The following PRKCB variants were observed in gnomAD, a reference collection of about 807,000 sequenced individuals.
The protein encoded by PRKCB is protein kinase C beta type.
Under a neutral mutation model 81.5 loss-of-function variants are expected in PRKCB, and 13 were observed. That is an observed-to-expected ratio of 0.16 (90% CI 0.10 to 0.25). The LOEUF is 0.25. Among genes scored for constraint, PRKCB ranks in the 10% least tolerant of loss-of-function variants. PRKCB has a pLI of 1.00. For missense variants in PRKCB, 509 were observed against 875.7 expected (o/e 0.58, Z 5.29); for synonymous variants, 335 against 321.4 (o/e 1.04, Z -0.45).
chr16:23,934,682 C>T (rs1266242078), intron 2 of PRKCB, among the ~76,000 whole-genome samples: 7 of 152,032 alleles, frequency 4.6e-5, no homozygotes, highest in Admixed American at 1.3e-4. Flanking sequence ...TTTATACGTG[C>T]GCCTAATCCC....
chr16:24,039,225 T>C (rs944823348), intron 5 of PRKCB, among the ~76,000 whole-genome samples: 22 of 152,144 alleles, frequency 1.4e-4, no homozygotes, highest in Non-Finnish European at 2.5e-4. Flanking sequence ...TCTTTTTTTC[T>C]TTTTTTCTTT....
At chr16:24,173,238 G>T (rs994055520) in intron 11 of PRKCB, among the ~76,000 whole-genome samples, 17 of 152,044 alleles carry the variant, frequency 1.1e-4, no homozygotes, top group African/African-American at 4.1e-4. Flanking sequence ...CATCCCCTTC[G>T]GTTCAAAAGG....
At chr16:23,892,521 A>G (rs765895591) in intron 2 of PRKCB, among the ~76,000 whole-genome samples, 108 of 152,246 alleles carry the variant, frequency 7.1e-4, no homozygotes, top group Admixed American at 4.6e-4. Flanking sequence ...TCATATTAAT[A>G]CAAAACATTA....
intron 9 of PRKCB, among the ~76,000 whole-genome samples, chr16:24,133,969 C>G (rs946527610): frequency 6.7e-6 from 1 of 149,582 alleles, no homozygotes; most frequent in African/African-American, 2.5e-5. Context: ...GACCATGGTT[C>G]GCTGCAGCTT....
chr16:23,991,056 C>G (rs913427791), intron 3 of PRKCB, among the ~76,000 whole-genome samples: 1 of 152,202 alleles, frequency 6.6e-6, no homozygotes, highest in Non-Finnish European at 1.5e-5. Flanking sequence ...CTGTTACCCA[C>G]TTAGACTTGA....
intron 2 of PRKCB, among the ~76,000 whole-genome samples, chr16:23,978,816 G>A (rs928340757): frequency 1.3e-5 from 2 of 152,308 alleles, no homozygotes; most frequent in Middle Eastern, 3.4e-3. Context: ...AGACGCATGT[G>A]GCATCAAGCA....
chr16:23,975,019 C>T (rs1033539160), intron 2 of PRKCB, among the ~76,000 whole-genome samples: 3 of 152,176 alleles, frequency 2.0e-5, no homozygotes, highest in African/African-American at 7.2e-5. Flanking sequence ...GGACTGCATA[C>T]CGTGGAGAAA....
At chr16:24,004,373 T>C (rs754205654) in intron 3 of PRKCB, among the ~76,000 whole-genome samples, 2 of 142,544 alleles carry the variant, frequency 1.4e-5, no homozygotes, top group Admixed American at 7.6e-5. Flanking sequence ...TCAAAAGAAA[T>C]AGGACTCAAA....
intron 5 of PRKCB, among the ~76,000 whole-genome samples, chr16:24,048,490 C>CT (rs1427207625): frequency 7.2e-6 from 1 of 138,240 alleles, no homozygotes; most frequent in Non-Finnish European, 1.6e-5. Context: ...CTTTTCTTTT[C>CT]TTTCTTTTTT....
chr16:23,866,970 CTTCCTTCCCTTCCTTCCCTTCCT>C (rs1462095097), intron 2 of PRKCB, among the ~76,000 whole-genome samples: 12 of 82,060 alleles, frequency 1.5e-4, no homozygotes, highest in Admixed American at 6.7e-4. Flanking sequence ...CCTTCCTTCC[CTTCCTTCCCTTCCTTCCCTTCCT>C]TCCCTTCCTT....
intron 5 of PRKCB, among the ~76,000 whole-genome samples, chr16:24,051,838 C>A (rs574524781): frequency 6.6e-6 from 1 of 152,270 alleles, no homozygotes; most frequent in African/African-American, 2.4e-5. Context: ...GGCACAGTGG[C>A]TCACGCCTGT....
intron 9 of PRKCB, among the ~76,000 whole-genome samples, chr16:24,142,436 C>A (rs956324858): frequency 2.0e-5 from 3 of 152,168 alleles, no homozygotes; most frequent in Non-Finnish European, 2.9e-5. Context: ...GTGAGTGCCC[C>A]GGGAAGAGCA....
At chr16:24,174,439 T>C in intron 11 of PRKCB, 79 bp from the exon 12 acceptor site, 2 of 1,248,114 alleles carry the variant, frequency 1.6e-6, no homozygotes, top group South Asian at 2.6e-5. Flanking sequence ...TAGTTCAATA[T>C]TGTATTGAAT....
chr16:24,021,243 C>A (rs1406169003), intron 3 of PRKCB, among the ~76,000 whole-genome samples: 1 of 93,654 alleles, frequency 1.1e-5, no homozygotes, highest in Non-Finnish European at 1.9e-5. Context: ...TCCTTCCTTC[C>A]TTCCTTCTTC....
chr16:24,201,219 CTG>C (rs1308451400), intron 16 of PRKCB, among the ~76,000 whole-genome samples: 1 of 152,188 alleles, frequency 6.6e-6, no homozygotes, highest in Non-Finnish European at 1.5e-5. Context: ...CAGCTTCTCT[CTG>C]TATCAACAAA....
At chr16:24,145,759 C>T (rs1383829573) in intron 9 of PRKCB, among the ~76,000 whole-genome samples, 1 of 152,230 alleles carries the variant, frequency 6.6e-6, no homozygotes, top group African/African-American at 2.4e-5. Context: ...CAGGACAAAG[C>T]TCCCGGGCCA....
In PRKCB at chr16:24,035,218, C is replaced by A. The variant is rs528312484; in HGVS notation, c.401-201C>A. Among the ~76,000 whole-genome samples the A allele has an allele frequency of 3.9e-5, 6 of 152,276 alleles. No individual in the cohort carries two copies. The East Asian group carries it at 1.2e-3, about 29-fold the overall frequency. ...GAACAGACAAGTTCTACCTCCTTTGCCCATCAGGGTTCAGGGGGAAGAGTT... is the reference window on the plus strand; with the variant it reads ...GAACAGACAAGTTCTACCTCCTTTGACCATCAGGGTTCAGGGGGAAGAGTT... On this transcript the variant is annotated intron_variant, in intron 4 of 16. Coordinates refer to ENST00000643927, the MANE Select transcript of PRKCB (RefSeq NM_002738.7).
At chr16:23,962,139 C>G (rs1220368141) in intron 2 of PRKCB, among the ~76,000 whole-genome samples, 1 of 152,198 alleles carries the variant, frequency 6.6e-6, no homozygotes, top group Non-Finnish European at 1.5e-5. Flanking sequence ...GACTCTGAAA[C>G]TCCTGCCTCC....
At position 24,189,012 on chromosome 16, in the gene PRKCB, C is replaced by A. The variant is rs183624137; in HGVS notation, c.1723-2078C>A. 2.1e-3 allele frequency among the ~76,000 whole-genome samples: 321 copies of A among 152,284 alleles called. 2 individuals carry two copies. The South Asian group carries it at 0.021, about 10-fold the overall frequency. Reference sequence around the variant, plus strand: ...CAGTGTGAACCAAAACCTCACTGCCCTTTCTTTCCTCCCATCCTAATCTTA... The same window carrying A: ...CAGTGTGAACCAAAACCTCACTGCCATTTCTTTCCTCCCATCCTAATCTTA... On this transcript the variant is annotated intron_variant, in intron 15 of 16. Transcript: ENST00000643927.
Sources: allele counts gnomAD v4.1 joint callset (sites outside exome capture counted in the v4.1 genomes callset), GRCh38; gene constraint gnomAD v4.1.1; transcripts MANE v1.5; gene names NCBI Gene and HGNC (gene_info 2026-07-23, HGNC 2026-07-21).